HERC4: variants seen among roughly 807,000 people sequenced by gnomAD.
The protein encoded by HERC4 is probable E3 ubiquitin-protein ligase HERC4.
Under a neutral mutation model 124.3 loss-of-function variants are expected in HERC4, and 28 were observed. The ratio of observed to expected loss-of-function variants is 0.23; its 90% CI spans 0.17 to 0.31. HERC4 has a LOEUF of 0.31. HERC4 is among the 10% of genes least tolerant of loss of function. HERC4 has a pLI of 1.00. For synonymous variants in HERC4, 407 were observed against 421.5 expected (o/e 0.97, Z 0.42); for missense variants, 713 against 1,229.3 (o/e 0.58, Z 6.28).
At chr10:68,070,248 A>C (rs2041504051) in intron 3 of HERC4, 1 of 975,268 alleles carries the variant, frequency 1.0e-6, no homozygotes, top group Non-Finnish European at 1.2e-6. Flanking sequence ...TCATTAACGA[A>C]TTATTCCAAA....
At chr10:68,007,160 T>C (rs2037622798) in intron 9 of HERC4, among the ~76,000 whole-genome samples, 1 of 152,160 alleles carries the variant, frequency 6.6e-6, no homozygotes, top group Non-Finnish European at 1.5e-5. Flanking sequence ...TATTTCACTC[T>C]TTTTTCTTTT....
chr10:67,929,367 C>T (rs2031522977), intron 23 of HERC4, among the ~76,000 whole-genome samples: 1 of 152,132 alleles, frequency 6.6e-6, no homozygotes, highest in African/African-American at 2.4e-5. Context: ...TGAAGTCACA[C>T]CCTCCCACTC....
chr10:67,953,758 T>C (rs564219602), intron 19 of HERC4, among the ~76,000 whole-genome samples: 1 of 152,296 alleles, frequency 6.6e-6, no homozygotes, highest in South Asian at 2.1e-4. Context: ...TTCCTATGAA[T>C]TGCACTACTA....
intron 8 of HERC4, among the ~76,000 whole-genome samples, chr10:68,016,554 T>C (rs2038281908): frequency 1.3e-5 from 2 of 152,116 alleles, no homozygotes; most frequent in South Asian, 4.1e-4. Context: ...GGTTTCACCA[T>C]GTTGGTCAGG....
intron 3 of HERC4, among the ~76,000 whole-genome samples, chr10:68,059,811 A>ATTATATATCATAATATTATATATT (rs2040867873): frequency 1.4e-5 from 1 of 72,508 alleles, no homozygotes; most frequent in Admixed American, 2.6e-4. Flanking sequence ...TATATATTAT[A>ATTATATATCATAATATTATATATT]ATATTATATA....
intron 15 of HERC4, among the ~76,000 whole-genome samples, chr10:67,975,052 G>A (rs978621598): frequency 2.0e-5 from 3 of 152,092 alleles, no homozygotes; most frequent in Non-Finnish European, 4.4e-5. Context: ...AGCCAGGCAT[G>A]GTGGCGCACG....
chr10:67,992,291 G>C lies in HERC4; in HGVS notation c.1179C>G (p.Pro393=). 6.2e-7 allele frequency: 1 copy of C among 1,613,710 alleles called. No individual in the cohort carries two copies. Among genetic ancestry groups the C allele is most frequent in the Non-Finnish European group, 8.5e-7 (1 of 1,179,716 alleles). ...NCGPPDDFRC[P]NPTKQIWTVN... ...CTGTCCAGATCTGCTTTGTCGGATT[G>C]GGACATCTGAAGTCATCTGGTGGCC... Residue 393 remains proline, a synonymous_variant, in exon 11 of 25, where the codon CCC becomes CCG. Coordinates refer to ENST00000373700, the MANE Select transcript of HERC4 (RefSeq NM_015601.4).
rs371193945 is a variant in HERC4, at chr10:67,966,872, TGA to T, written c.1807-72_1807-71del. 261 of 1,213,748 alleles carry T rather than the reference TGA, an allele frequency of 2.2e-4. 1 individual carries two copies. The East Asian group carries it at 5.7e-3, about 26-fold the overall frequency. 75.2% of individuals were successfully genotyped at this position (1,213,748 alleles called of 1,614,324 possible). On this transcript the variant is annotated intron_variant, in intron 15 of 24. Transcript: ENST00000373700. ...AGACAGACAAATTTTTTTTATTTTT[TGA>T]GACGGAGTCTCACTCTGTCAACCAG...
chr10:68,058,148 G>GA (rs2040649129), intron 3 of HERC4, among the ~76,000 whole-genome samples: 2 of 151,940 alleles, frequency 1.3e-5, no homozygotes, highest in African/African-American at 4.8e-5. Context: ...AAGTCTGAAG[G>GA]TAAAGGAATC....
chr10:67,992,155 T>G, intron 11 of HERC4, 44 bp downstream of exon 11: 3 of 1,582,402 alleles, frequency 1.9e-6, no homozygotes, highest in Non-Finnish European at 2.6e-6. Context: ...GTGCTGGGAT[T>G]ACAGGCATGA....
intron 3 of HERC4, among the ~76,000 whole-genome samples, chr10:68,045,058 C>T (rs989373877): frequency 6.6e-6 from 1 of 152,226 alleles, no homozygotes; most frequent in South Asian, 2.1e-4. Flanking sequence ...TGCTGGCTCA[C>T]GCCCATAATA....
Position 67,974,087 on chromosome 10 carries a change from C to T in HERC4, c.1807-7285G>A, listed in dbSNP as rs1234431973. Among the ~76,000 whole-genome samples the T allele has an allele frequency of 6.3e-4, 85 of 134,518 alleles. 1 individual carries two copies. The highest frequency in any genetic ancestry group is 7.2e-3 in the Middle Eastern group (2 of 278). 88.2% of individuals were successfully genotyped at this position (134,518 alleles called of 152,430 possible). A position where few individuals can be genotyped will look rare whatever the true frequency, so the allele number is the denominator to read the frequency against. Reference sequence around the variant, plus strand: ...AAAAATTACTGTACACACACACACACACACACACACACACACACACACACA... The same window carrying T: ...AAAAATTACTGTACACACACACACATACACACACACACACACACACACACA... On this transcript the variant is annotated intron_variant, in intron 15 of 24. Transcript: ENST00000373700.
intron 16 of HERC4, among the ~76,000 whole-genome samples, chr10:67,962,384 T>C (rs888337509): frequency 6.6e-6 from 1 of 152,162 alleles, no homozygotes; most frequent in Non-Finnish European, 1.5e-5. Flanking sequence ...TAAGTAGATA[T>C]AGATGTTATA....
chr10:67,995,792 G>C (rs1589274328), intron 9 of HERC4, among the ~76,000 whole-genome samples: 1 of 151,974 alleles, frequency 6.6e-6, no homozygotes, highest in African/African-American at 2.4e-5. Flanking sequence ...CTTGTCTTAA[G>C]AAGTATTTAC....
intron 7 of HERC4, among the ~76,000 whole-genome samples, chr10:68,027,431 T>C (rs1224100368): frequency 6.6e-6 from 1 of 152,210 alleles, no homozygotes; most frequent in Non-Finnish European, 1.5e-5. Context: ...CATCAAATCA[T>C]TTCACCCACA....
At chr10:68,064,489 G>A (rs1197118924) in intron 3 of HERC4, among the ~76,000 whole-genome samples, 1 of 149,752 alleles carries the variant, frequency 6.7e-6, no homozygotes, top group Non-Finnish European at 1.5e-5. Flanking sequence ...GGGAGGCGGA[G>A]GTTGCTGTGA....
At chr10:67,932,043 C>T (rs1034498001) in intron 23 of HERC4, among the ~76,000 whole-genome samples, 1 of 152,152 alleles carries the variant, frequency 6.6e-6, no homozygotes, top group South Asian at 2.1e-4. Context: ...CTGCAACCTC[C>T]GCCTCCCAGG....
chr10:67,939,013 A>T (rs1044677688), intron 21 of HERC4, among the ~76,000 whole-genome samples: 1 of 152,202 alleles, frequency 6.6e-6, no homozygotes, highest in Non-Finnish European at 1.5e-5. Flanking sequence ...ATCTTTTACA[A>T]GATTTGCAAT....
At position 68,067,912 on chromosome 10, in the gene HERC4, G is replaced by T. The variant is rs113492140; in HGVS notation, c.226+4971C>A. On this transcript the variant is annotated intron_variant, in intron 3 of 24. Transcript: ENST00000373700. ...TATTTGAATTTTTTAGCTTTTGTTG[G>T]TACAATATTACATCTTGAAAATAGA... 3 of 152,168 alleles carry T rather than the reference G, an allele frequency of 2.0e-5. 1 individual carries two copies. The highest frequency in any genetic ancestry group is 7.2e-5 in the African/African-American group (3 of 41,526). 9.4% of individuals were successfully genotyped at this position (152,168 alleles called of 1,614,324 possible). A position where few individuals can be genotyped will look rare whatever the true frequency, so the allele number is the denominator to read the frequency against.
Sources: allele counts gnomAD v4.1 joint callset (sites outside exome capture counted in the v4.1 genomes callset), GRCh38; gene constraint gnomAD v4.1.1; transcripts MANE v1.5; gene names NCBI Gene and HGNC (gene_info 2026-07-23, HGNC 2026-07-21).